The following A1CF variants were observed in gnomAD, a reference collection of about 807,000 sequenced individuals.
A1CF encodes the protein APOBEC1 complementation factor, also known as APOBEC-1 stimulating protein.
A neutral mutation model predicts 68.9 loss-of-function variants in A1CF; 48 were observed. The observed-to-expected ratio is 0.70, with a 90% CI of 0.55 to 0.89. The LOEUF is 0.89. A1CF is among the 40% of genes least tolerant of loss of function. A1CF has a pLI of 0.00. For missense variants in A1CF, 653 were observed against 718.9 expected (o/e 0.91, Z 1.05); for synonymous variants, 272 against 260.4 (o/e 1.04, Z -0.43).
chr10:50,836,109 C>G lies in A1CF; in HGVS notation c.569G>C (p.Arg190Pro), dbSNP rs200365066. ...TTTCCTCCTCGCCATGGCAGCTGCT[C>G]GATGACTCTCATACTCCACGAAGGC... Reference protein sequence around the residue: ...GFAFVEYESHRAAAMARRKLL... With the variant: ...GFAFVEYESHPAAAMARRKLL... The change falls in exon 6 of 13, where the codon CGA (arginine) becomes CCA (proline). Residue 190 changes from arginine (R) to proline (P), a missense_variant. Transcript: ENST00000373997. 6.2e-7 allele frequency: 1 copy of G among 1,612,540 alleles called. No individual in the cohort carries two copies. The highest frequency in any genetic ancestry group is 1.7e-5 in the Admixed American group (1 of 59,806).
At chr10:50,825,314 C>G (rs939206342) in intron 7 of A1CF, among the ~76,000 whole-genome samples, 2 of 152,086 alleles carry the variant, frequency 1.3e-5, no homozygotes, top group Non-Finnish European at 2.9e-5. Flanking sequence ...TATGATAACC[C>G]TAAGCCACTA....
chr10:50,859,700 C>T, intron 3 of A1CF, 142 bp downstream of exon 3: 1 of 662,546 alleles, frequency 1.5e-6, no homozygotes, highest in Non-Finnish European at 2.5e-6. Context: ...AGAAATGTTG[C>T]AATTTCCTTC....
intron 6 of A1CF, among the ~76,000 whole-genome samples, chr10:50,831,283 C>T (rs112753957): frequency 6.0e-4 from 92 of 152,164 alleles, no homozygotes; most frequent in East Asian, 1.7e-3. Context: ...CTAAACTTTC[C>T]GCACAGCAAA....
rs905392474 is a variant in A1CF at position 50,803,111 on chromosome 10, C to G, written c.*3618G>C. ...ATATTTATTTTTGCTTTTTTGGAGACAGGGTCTTGCTCTGTCACCCAGGCT... is the reference window on the plus strand; with the variant it reads ...ATATTTATTTTTGCTTTTTTGGAGAGAGGGTCTTGCTCTGTCACCCAGGCT... On this transcript the variant is annotated 3_prime_UTR_variant, in exon 13 of 13. Coordinates refer to ENST00000373997, the MANE Select transcript of A1CF (RefSeq NM_014576.4). 1 of 152,130 alleles carries G rather than the reference C, an allele frequency of 6.6e-6. No individual in the cohort carries two copies. Among genetic ancestry groups the G allele is most frequent in the African/African-American group, 2.4e-5 (1 of 41,430 alleles). 9.4% of individuals were successfully genotyped at this position (152,130 alleles called of 1,614,324 possible).
intron 4 of A1CF, among the ~76,000 whole-genome samples, chr10:50,843,578 G>A (rs1839870616): frequency 6.6e-6 from 1 of 152,158 alleles, no homozygotes; most frequent in Non-Finnish European, 1.5e-5. Context: ...GATACATGTT[G>A]AGCCTTGTCA....
chr10:50,844,041 C>T lies in A1CF; in HGVS notation c.181G>A (p.Gly61Arg), dbSNP rs2132461181. 2 of 1,613,646 alleles carry T rather than the reference C, an allele frequency of 1.2e-6. No homozygotes were observed. Among genetic ancestry groups the T allele is most frequent in the Non-Finnish European group, 1.7e-6 (2 of 1,179,798 alleles). The change falls in exon 4 of 13, where the codon GGA becomes AGA. Residue 61 changes from glycine (G) to arginine (R), a missense_variant. Coordinates refer to ENST00000373997, the MANE Select transcript of A1CF (RefSeq NM_014576.4). The stretch of plus-strand genomic sequence containing the variant: ...TCAAAAAGGTCTCGGGGAAGTTTTC[C>T]AATAAAAATTTCACAGCCCCTTTCA... ...PPERGCEIFI[G>R]KLPRDLFEDE...
At chr10:50,845,240 A>T (rs74794836) in intron 3 of A1CF, among the ~76,000 whole-genome samples, 34 of 152,264 alleles carry the variant, frequency 2.2e-4, no homozygotes, top group African/African-American at 7.7e-4. Context: ...AAACTTTGAT[A>T]TCACTGAGAA....
intron 3 of A1CF, among the ~76,000 whole-genome samples, chr10:50,850,059 A>T (rs975337027): frequency 6.6e-6 from 1 of 152,178 alleles, no homozygotes; most frequent in Non-Finnish European, 1.5e-5. Context: ...TCTATGGCAA[A>T]AATCATGAAG....
chr10:50,826,289 T>G (rs1238763422), intron 7 of A1CF, among the ~76,000 whole-genome samples: 2 of 152,124 alleles, frequency 1.3e-5, no homozygotes, highest in East Asian at 3.9e-4. Context: ...TAGGACCACA[T>G]GGCTTGATTT....
At chr10:50,818,438 A>G (rs1447876172) in intron 8 of A1CF, among the ~76,000 whole-genome samples, 1 of 151,862 alleles carries the variant, frequency 6.6e-6, no homozygotes, top group Non-Finnish European at 1.5e-5. Context: ...TAACTAAATA[A>G]TATGTGTAAA....
intron 1 of A1CF, among the ~76,000 whole-genome samples, chr10:50,876,342 T>G (rs1358345564): frequency 6.6e-6 from 1 of 152,242 alleles, no homozygotes; most frequent in East Asian, 1.9e-4. Flanking sequence ...TTGTCCAGCC[T>G]GTGCTCCACT....
intron 6 of A1CF, among the ~76,000 whole-genome samples, chr10:50,829,119 TG>T (rs1422131974): frequency 6.6e-6 from 1 of 152,182 alleles, no homozygotes; most frequent in Admixed American, 6.6e-5. Flanking sequence ...AGTAACCCTG[TG>T]GGGAGGTGAA....
intron 1 of A1CF, among the ~76,000 whole-genome samples, chr10:50,867,369 T>C (rs1268220148): frequency 6.6e-6 from 1 of 152,112 alleles, no homozygotes; most frequent in Non-Finnish European, 1.5e-5. Context: ...ATTCTTTTAT[T>C]TTATTTTATA....
At position 50,802,824 on chromosome 10, in the gene A1CF, A is replaced by G. The variant is rs1227477851; in HGVS notation, c.*3905T>C. ...AACCTCCCTGTCTATGTGGATTCTA[A>G]CTGTGGCCCAGTTGTCCAAGACAGA... On this transcript the variant is annotated 3_prime_UTR_variant, in exon 13 of 13. Transcript: ENST00000373997. 1 of 152,212 alleles carries G rather than the reference A, an allele frequency of 6.6e-6. No homozygotes were observed. The highest frequency in any genetic ancestry group is 1.5e-5 in the Non-Finnish European group (1 of 68,034). The allele number at this position is 152,212 out of a possible 1,614,324, so 9.4% of individuals were successfully genotyped here. A position where few individuals can be genotyped will look rare whatever the true frequency, so the allele number is the denominator to read the frequency against.
rs1288535656 is a variant in A1CF at position 50,880,994 on chromosome 10, C to CT, written c.-94+4586dup. Among the ~76,000 whole-genome samples the CT allele has an allele frequency of 2.8e-3, 408 of 143,896 alleles. 3 individuals carry two copies. Among genetic ancestry groups the CT allele is most frequent in the South Asian group, 0.013 (59 of 4,560 alleles). 94.4% of individuals were successfully genotyped at this position (143,896 alleles called of 152,430 possible). A position where few individuals can be genotyped will look rare whatever the true frequency, so the allele number is the denominator to read the frequency against. Reference sequence around the variant, plus strand: ...TCTCTTCACTGTTTTCATTTAGACTCTTTTTTTTTTTTTGAGGTGGAGTCT... The same window carrying CT: ...TCTCTTCACTGTTTTCATTTAGACTCTTTTTTTTTTTTTTGAGGTGGAGTCT... On this transcript the variant is annotated intron_variant, in intron 1 of 12. Transcript: ENST00000373997.
At chr10:50,840,235 A>T (rs1271270597) in intron 5 of A1CF, among the ~76,000 whole-genome samples, 3 of 152,136 alleles carry the variant, frequency 2.0e-5, no homozygotes, top group African/African-American at 4.8e-5. Context: ...GATGTAAAAA[A>T]AAAAACTGCA....
At chr10:50,809,532 TAA>T (rs1234478306) in intron 12 of A1CF, among the ~76,000 whole-genome samples, 1 of 152,182 alleles carries the variant, frequency 6.6e-6, no homozygotes, top group African/African-American at 2.4e-5. Context: ...CCTGACCATT[TAA>T]GTGAGTGCCT....
chr10:50,857,636 A>G (rs1183609645), intron 3 of A1CF, among the ~76,000 whole-genome samples: 4 of 152,178 alleles, frequency 2.6e-5, no homozygotes, highest in African/African-American at 9.6e-5. Context: ...AGACAGCTTG[A>G]TGTGTATTCC....
At chr10:50,830,715 C>T (rs1839196237) in intron 6 of A1CF, among the ~76,000 whole-genome samples, 1 of 152,274 alleles carries the variant, frequency 6.6e-6, no homozygotes, top group East Asian at 1.9e-4. Context: ...AGATTCAATG[C>T]AGTCTCTATC....
Sources: gnomAD v4.1 joint callset for allele counts (sites outside exome capture counted in the v4.1 genomes callset) on GRCh38, gnomAD v4.1.1 for gene constraint, MANE v1.5 for transcripts, NCBI Gene and HGNC (gene_info 2026-07-23, HGNC 2026-07-21) for gene names.